The following PRKG1 variants were observed in gnomAD, a reference collection of about 807,000 sequenced individuals.
PRKG1 encodes cGMP-dependent protein kinase 1.
Under a neutral mutation model 88.1 loss-of-function variants are expected in PRKG1, and 35 were observed. The observed-to-expected ratio is 0.40, with a 90% confidence interval of 0.30 to 0.53. PRKG1 has a LOEUF of 0.53. PRKG1 is among the 20% of genes least tolerant of loss of function. The probability of loss-of-function intolerance (pLI) is 0.59; values close to 1 mark genes in which losing one functional copy is unlikely to be tolerated. For synonymous variants in PRKG1, 303 were observed against 292.5 expected, an observed-to-expected ratio of 1.04 and a Z score of -0.37; for missense variants, 540 against 839.8, an observed-to-expected ratio of 0.64 and a Z score of 4.41.
At chr10:51,166,448 G>T (rs559579920) in intron 2 of PRKG1, among the ~76,000 whole-genome samples, 15 of 152,146 alleles carry the variant, frequency 9.9e-5, no homozygotes, top group Admixed American at 9.2e-4. Context: ...AAATTTACAA[G>T]AAAAACATGA....
chr10:52,088,105 G>A (rs1459290886), intron 7 of PRKG1, among the ~76,000 whole-genome samples: 2 of 152,026 alleles, frequency 1.3e-5, no homozygotes, highest in African/African-American at 4.8e-5. Context: ...CTAATCTGTG[G>A]ATGGGACATC....
intron 3 of PRKG1, among the ~76,000 whole-genome samples, chr10:51,756,605 G>A (rs1837871501): frequency 6.6e-6 from 1 of 152,086 alleles, no homozygotes; most frequent in African/African-American, 2.4e-5. Flanking sequence ...AACGAGGTCA[G>A]GAGATTGAGA....
intron 7 of PRKG1, among the ~76,000 whole-genome samples, chr10:52,079,226 A>T (rs1846707001): frequency 6.6e-6 from 1 of 151,990 alleles, no homozygotes; most frequent in South Asian, 2.1e-4. Context: ...ATCTCTTTTA[A>T]CACCTTTTCC....
At chr10:52,186,223 T>G (rs1021775536) in intron 9 of PRKG1, among the ~76,000 whole-genome samples, 1 of 152,064 alleles carries the variant, frequency 6.6e-6, no homozygotes, top group African/African-American at 2.4e-5. Flanking sequence ...AAACTTCCAG[T>G]CATGGTGGAA....
At chr10:51,310,671 A>C (rs1434999700) in intron 2 of PRKG1, among the ~76,000 whole-genome samples, 1 of 151,924 alleles carries the variant, frequency 6.6e-6, no homozygotes, top group East Asian at 1.9e-4. Context: ...TTTTCTGTAT[A>C]CTTTTTTTCT....
chr10:51,437,462 A>C (rs1378502090), intron 2 of PRKG1, among the ~76,000 whole-genome samples: 3 of 151,964 alleles, frequency 2.0e-5, no homozygotes, highest in Non-Finnish European at 4.4e-5. Context: ...TCTAATGGCC[A>C]GTATTTATGG....
intron 3 of PRKG1, among the ~76,000 whole-genome samples, chr10:51,627,205 T>C (rs1002674210): frequency 5.3e-5 from 8 of 152,138 alleles, no homozygotes; most frequent in African/African-American, 1.9e-4. Flanking sequence ...GAAATGCTTA[T>C]GCCAAGTTGT....
At chr10:51,822,734 T>A (rs1839781270) in intron 4 of PRKG1, among the ~76,000 whole-genome samples, 1 of 152,136 alleles carries the variant, frequency 6.6e-6, no homozygotes, top group Non-Finnish European at 1.5e-5. Context: ...TAATTGTGAG[T>A]CAGTCCAATG....
At chr10:51,548,927 C>G (rs763072025) in intron 3 of PRKG1, among the ~76,000 whole-genome samples, 3 of 151,870 alleles carry the variant, frequency 2.0e-5, no homozygotes, top group Non-Finnish European at 4.4e-5. Context: ...TCACTGCTTA[C>G]TTTAATTTTA....
intron 3 of PRKG1, chr10:51,696,819 A>C (rs1841305685): frequency 6.6e-6 from 1 of 152,200 alleles, no homozygotes; most frequent in East Asian, 1.9e-4. Context: ...AATACCATTT[A>C]TAACTCATCT....
chr10:51,925,959 T>G (rs1362765972), intron 5 of PRKG1, among the ~76,000 whole-genome samples: 1 of 152,192 alleles, frequency 6.6e-6, no homozygotes, highest in African/African-American at 2.4e-5. Flanking sequence ...TAAAATATAA[T>G]CACCATCTAA....
intron 2 of PRKG1, among the ~76,000 whole-genome samples, chr10:51,311,087 A>G (rs763694640): frequency 6.6e-6 from 1 of 152,188 alleles, no homozygotes; most frequent in Non-Finnish European, 1.5e-5. Flanking sequence ...GAGTGTGTAC[A>G]GCACTTTTCA....
At chr10:51,053,047 T>G (rs868659917) in intron 1 of PRKG1, among the ~76,000 whole-genome samples, 1 of 152,062 alleles carries the variant, frequency 6.6e-6, no homozygotes, top group Admixed American at 6.6e-5. Flanking sequence ...CTGGCCAACA[T>G]AGTGAAACCC....
At chr10:52,035,779 T>C (rs1427829685) in intron 5 of PRKG1, among the ~76,000 whole-genome samples, 1 of 152,098 alleles carries the variant, frequency 6.6e-6, no homozygotes, top group African/African-American at 2.4e-5. Flanking sequence ...TTATGAGAAC[T>C]GTAGAGAGTG....
intron 3 of PRKG1, among the ~76,000 whole-genome samples, chr10:51,577,466 A>G (rs577387244): frequency 1.3e-5 from 2 of 152,130 alleles, no homozygotes; most frequent in East Asian, 3.9e-4. Flanking sequence ...TCCTTTTTGC[A>G]TGTATGAAAA....
At chr10:51,511,444 C>T (rs576933349) in intron 3 of PRKG1, among the ~76,000 whole-genome samples, 1 of 152,000 alleles carries the variant, frequency 6.6e-6, no homozygotes, top group Non-Finnish European at 1.5e-5. Flanking sequence ...GACTTACTTC[C>T]CACAAAGGAT....
intron 4 of PRKG1, among the ~76,000 whole-genome samples, chr10:51,846,223 C>A (rs1441038208): frequency 6.6e-6 from 1 of 152,090 alleles, no homozygotes; most frequent in Non-Finnish European, 1.5e-5. Flanking sequence ...TAGACCAAAA[C>A]CTTTACCTGA....
At chr10:51,586,019 T>C (rs1463435776) in intron 3 of PRKG1, among the ~76,000 whole-genome samples, 1 of 152,106 alleles carries the variant, frequency 6.6e-6, no homozygotes, top group East Asian at 1.9e-4. Flanking sequence ...AGCTACCTGT[T>C]GGGTACTATG....
chr10:51,858,651 A>G (rs1840783134), intron 4 of PRKG1, among the ~76,000 whole-genome samples: 1 of 150,452 alleles, frequency 6.6e-6, no homozygotes, highest in Admixed American at 6.7e-5. Flanking sequence ...ACATTTTTGT[A>G]CCTGTGCGTT....
Sources: allele counts gnomAD v4.1 joint callset (sites outside exome capture counted in the v4.1 genomes callset), GRCh38; gene constraint gnomAD v4.1.1; transcripts MANE v1.5; gene names NCBI Gene and HGNC (gene_info 2026-07-23, HGNC 2026-07-21).